SH3BGRL: variants seen among roughly 807,000 people sequenced by gnomAD.
The protein encoded by SH3BGRL is SH3 domain binding glutamate rich protein like, also known as adapter SH3BGRL.
Under a neutral mutation model 9.8 loss-of-function variants are expected in SH3BGRL, and 7 were observed. That is an observed-to-expected ratio of 0.72 (90% CI 0.41 to 1.35). The LOEUF (loss-of-function observed/expected upper bound fraction) is 1.35. SH3BGRL is among the 40% of genes most tolerant of loss of function. The probability of loss-of-function intolerance (pLI) is 0.01; values close to 1 mark genes in which losing one functional copy is unlikely to be tolerated. For missense variants in SH3BGRL, 73 were observed against 84.4 expected (o/e 0.86, Z 0.53); for synonymous variants, 36 against 29.1 (o/e 1.24, Z -0.76).
intron 1 of SH3BGRL, among the ~76,000 whole-genome samples, chrX:81,263,033 C>A (rs192520334): frequency 2.0e-3 from 222 of 110,251 alleles, no homozygotes; most frequent in African/African-American, 6.9e-3. Flanking sequence ...GATTAAGCTC[C>A]AAACTGGGTG....
chrX:81,288,370 A>T (rs2075844420), intron 3 of SH3BGRL, among the ~76,000 whole-genome samples: 1 of 112,247 alleles, frequency 8.9e-6, no homozygotes, highest in Non-Finnish European at 1.9e-5. Flanking sequence ...TTCCTATAAG[A>T]TATGGAGCAC....
At chrX:81,278,934 G>A (rs17281797) in intron 3 of SH3BGRL, among the ~76,000 whole-genome samples, 1,598 of 112,166 alleles carry the variant, frequency 0.014, 12 homozygotes, top group Non-Finnish European at 0.024. Flanking sequence ...AGCATTTTCA[G>A]GAGAGACCAA....
Position 81,264,389 on chromosome X carries a change from C to G in SH3BGRL, c.46-12595C>G, listed in dbSNP as rs1439521647. Among the ~76,000 whole-genome samples the G allele has an allele frequency of 1.9e-4, 21 of 111,593 alleles. No homozygotes were observed. In the Admixed American group the frequency reaches 2.0e-3, roughly 11 times the overall value. On this transcript the variant is annotated intron_variant, in intron 1 of 3. Transcript: ENST00000373212. ...GAGCAGGTTTCTTAACATCTCTGAG[C>G]CCCTGTTTCCTTTGCCGTGAAATGG...
intron 1 of SH3BGRL, among the ~76,000 whole-genome samples, chrX:81,247,655 T>C (rs755264779): frequency 9.0e-6 from 1 of 111,661 alleles, no homozygotes; most frequent in South Asian, 3.8e-4. Flanking sequence ...AGGAATGAAG[T>C]CCTGCTTGAT....
At position 81,297,188 on chromosome X, in the gene SH3BGRL, A is replaced by T. The variant is rs781461504; in HGVS notation, c.313-7A>T. ...AACTTATCTGTTTTGTTTGTTTTTC[A>T]TTTCAGGAAGCAGAAGTGCAAGCAA... On this transcript the variant is annotated splice_polypyrimidine_tract_variant and splice_region_variant and intron_variant, in intron 3 of 3. Transcript: ENST00000373212. 2 of 1,206,475 alleles carry T rather than the reference A, an allele frequency of 1.7e-6. No homozygotes were observed. Among genetic ancestry groups the T allele is most frequent in the South Asian group, 3.5e-5 (2 of 56,477 alleles).
intron 1 of SH3BGRL, among the ~76,000 whole-genome samples, chrX:81,234,307 C>T (rs2075641318): frequency 8.9e-6 from 1 of 111,979 alleles, no homozygotes; most frequent in African/African-American, 3.2e-5. Context: ...CTGCATTATG[C>T]ATTAATAAAA....
intron 1 of SH3BGRL, among the ~76,000 whole-genome samples, chrX:81,241,211 T>G (rs1386781123): frequency 6.2e-5 from 7 of 112,002 alleles, no homozygotes; most frequent in African/African-American, 1.9e-4. Context: ...CTCTAGACTT[T>G]GTGCACTGAG....
chrX:81,246,278 G>A (rs1292693019), intron 1 of SH3BGRL, among the ~76,000 whole-genome samples: 1 of 111,811 alleles, frequency 8.9e-6, no homozygotes, highest in African/African-American at 3.3e-5. Context: ...TGTTTACTCT[G>A]GCAGTAGTTT....
chrX:81,219,103 G>A (rs1037466342), intron 1 of SH3BGRL, among the ~76,000 whole-genome samples: 5 of 109,870 alleles, frequency 4.6e-5, no homozygotes, highest in Non-Finnish European at 7.6e-5. Context: ...AACTACAAGA[G>A]GCTCAAAGAA....
chrX:81,206,586 C>T (rs2075548677), intron 1 of SH3BGRL, among the ~76,000 whole-genome samples: 1 of 110,432 alleles, frequency 9.1e-6, no homozygotes, highest in Non-Finnish European at 1.9e-5. Context: ...AACTAGTAGG[C>T]ATGAGGAAAT....
chrX:81,212,450 CT>C (rs199719419), intron 1 of SH3BGRL, among the ~76,000 whole-genome samples: 4 of 108,248 alleles, frequency 3.7e-5, no homozygotes, highest in Admixed American at 2.0e-4. Context: ...TGAATTCATT[CT>C]TTTTTTTTGA....
At chrX:81,209,402 CTTAAT>C (rs1343281070) in intron 1 of SH3BGRL, among the ~76,000 whole-genome samples, 1 of 111,622 alleles carries the variant, frequency 9.0e-6, no homozygotes, top group Non-Finnish European at 1.9e-5. Context: ...CATTATTTTA[CTTAAT>C]TTATCTTTAC....
intron 3 of SH3BGRL, among the ~76,000 whole-genome samples, chrX:81,282,716 A>G (rs1031858388): frequency 1.8e-5 from 2 of 112,041 alleles, no homozygotes; most frequent in African/African-American, 3.2e-5. Flanking sequence ...AAACGCCTAC[A>G]TCAAAAAGTC....
chrX:81,290,814 A>G (rs755828672), intron 3 of SH3BGRL, among the ~76,000 whole-genome samples: 11 of 111,290 alleles, frequency 9.9e-5, no homozygotes, highest in African/African-American at 3.3e-4. Flanking sequence ...GCATGCCTGT[A>G]TCAAAACATG....
chrX:81,242,829 G>T (rs1354219905), intron 1 of SH3BGRL, among the ~76,000 whole-genome samples: 3 of 111,690 alleles, frequency 2.7e-5, no homozygotes, highest in East Asian at 2.8e-4. Flanking sequence ...AATCAAAACT[G>T]CAATGATATA....
intron 3 of SH3BGRL, among the ~76,000 whole-genome samples, chrX:81,295,077 G>A (rs1249440789): frequency 1.8e-5 from 2 of 112,050 alleles, no homozygotes; most frequent in Non-Finnish European, 3.8e-5. Context: ...AGGCGGAAGG[G>A]ACTTTACTTG....
intron 1 of SH3BGRL, among the ~76,000 whole-genome samples, chrX:81,246,218 T>A (rs1450181063): frequency 8.9e-6 from 1 of 112,112 alleles, no homozygotes; most frequent in African/African-American, 3.2e-5. Flanking sequence ...ATATTAAACC[T>A]TGGTCAGATG....
intron 1 of SH3BGRL, among the ~76,000 whole-genome samples, chrX:81,263,358 T>C (rs767048725): frequency 1.2e-4 from 13 of 111,283 alleles, no homozygotes; most frequent in Non-Finnish European, 1.3e-4. Flanking sequence ...TCAGTAGCAG[T>C]TGGGTAACTG....
intron 1 of SH3BGRL, among the ~76,000 whole-genome samples, chrX:81,217,757 G>A (rs2075585678): frequency 9.0e-6 from 1 of 111,347 alleles, no homozygotes; most frequent in Admixed American, 9.6e-5. Context: ...GTAAATATCT[G>A]TTTAGTTCAT....
Sources: allele counts gnomAD v4.1 joint callset (sites outside exome capture counted in the v4.1 genomes callset), GRCh38; gene constraint gnomAD v4.1.1; transcripts MANE v1.5; gene names NCBI Gene and HGNC (gene_info 2026-07-23, HGNC 2026-07-21).